CCDC146: variants seen among roughly 807,000 people sequenced by gnomAD.
CCDC146 encodes the protein coiled-coil domain containing 146.
CCDC146 carries 92 observed loss-of-function variants against 119.3 expected under a neutral mutation model. The ratio of observed to expected loss-of-function variants is 0.77; its 90% confidence interval spans 0.65 to 0.92. The LOEUF is 0.92. Ranked by LOEUF, CCDC146 falls within the 40% of genes least tolerant of loss-of-function variation. The probability of loss-of-function intolerance (pLI) is 0.00; values close to 1 mark genes in which losing one functional copy is unlikely to be tolerated. For synonymous variants in CCDC146, 372 were observed against 371.8 expected, an observed-to-expected ratio of 1.00 and a Z score of -0.01; for missense variants, 1,000 against 1,103.0, an observed-to-expected ratio of 0.91 and a Z score of 1.32.
chr7:77,201,914 TAA>T (rs3834746), intron 2 of CCDC146, among the ~76,000 whole-genome samples: 21 of 144,250 alleles, frequency 1.5e-4, no homozygotes, highest in African/African-American at 4.0e-4. Context: ...ACAACATAGA[TAA>T]AAAAAAAAAC....
intron 18 of CCDC146, among the ~76,000 whole-genome samples, 200 bp from the exon 19 acceptor site, chr7:77,294,463 G>GGGGTGT (rs1233864398): frequency 2.8e-4 from 38 of 134,310 alleles, no homozygotes; most frequent in South Asian, 5.0e-4. Flanking sequence ...ATGAGAGGTA[G>GGGGTGT]GTGTGTGTGT....
intron 2 of CCDC146, among the ~76,000 whole-genome samples, chr7:77,221,623 G>A (rs1792404980): frequency 6.6e-6 from 1 of 152,164 alleles, no homozygotes; most frequent in Admixed American, 6.5e-5. Flanking sequence ...AGCACCTGGT[G>A]TGTGACATGT....
At chr7:77,178,359 C>T (rs1392450675) in intron 2 of CCDC146, among the ~76,000 whole-genome samples, 1 of 152,164 alleles carries the variant, frequency 6.6e-6, no homozygotes, top group African/African-American at 2.4e-5. Flanking sequence ...TCCTTTACCT[C>T]CTCACATACA....
chr7:77,212,578 G>C (rs370099850), intron 2 of CCDC146, among the ~76,000 whole-genome samples: 1 of 132,670 alleles, frequency 7.5e-6, no homozygotes. Context: ...CCGAGATCAC[G>C]CCACTGCACT....
At chr7:77,270,920 A>T (rs1793497670) in intron 9 of CCDC146, among the ~76,000 whole-genome samples, 1 of 152,136 alleles carries the variant, frequency 6.6e-6, no homozygotes, top group Non-Finnish European at 1.5e-5. Context: ...GCTCCTTTTA[A>T]CAGGAAAACA....
At chr7:77,160,012 T>G (rs189466038) in intron 1 of CCDC146, among the ~76,000 whole-genome samples, 11 of 152,342 alleles carry the variant, frequency 7.2e-5, no homozygotes, top group African/African-American at 2.2e-4. Context: ...ACAGCACCAT[T>G]TTTTAAATAG....
intron 17 of CCDC146, among the ~76,000 whole-genome samples, chr7:77,292,469 T>C (rs1175516055): frequency 6.6e-6 from 1 of 151,520 alleles, no homozygotes; most frequent in South Asian, 2.1e-4. Flanking sequence ...CAAAAAAAAT[T>C]AGCCGGGTAT....
intron 2 of CCDC146, among the ~76,000 whole-genome samples, chr7:77,231,884 T>A (rs1171370511): frequency 1.3e-5 from 2 of 152,014 alleles, no homozygotes; most frequent in African/African-American, 4.8e-5. Flanking sequence ...GGGTCATATT[T>A]TCTTGTTTCC....
chr7:77,236,931 A>G lies in CCDC146; in HGVS notation c.157-16A>G. On this transcript the variant is annotated splice_polypyrimidine_tract_variant and intron_variant, in intron 2 of 18. Coordinates refer to ENST00000285871, the MANE Select transcript of CCDC146 (RefSeq NM_020879.3). ...GAGAATGGTGATTAACAGTGACCTT[A>G]TGTTCTCTTTGCTAGTTACATGCTA... The G allele has an allele frequency of 6.3e-7, 1 of 1,596,420 alleles. No homozygotes were observed. Among genetic ancestry groups the G allele is most frequent in the Non-Finnish European group, 8.6e-7 (1 of 1,163,948 alleles).
chr7:77,211,602 T>A (rs1201658133), intron 2 of CCDC146, among the ~76,000 whole-genome samples: 6 of 151,896 alleles, frequency 4.0e-5, no homozygotes, highest in Non-Finnish European at 8.8e-5. Flanking sequence ...TATTTTATTT[T>A]TTTTATTTTT....
intron 4 of CCDC146, among the ~76,000 whole-genome samples, chr7:77,245,910 T>C (rs1450303625): frequency 6.6e-6 from 1 of 151,884 alleles, no homozygotes; most frequent in African/African-American, 2.4e-5. Context: ...GCAACAAATA[T>C]CTTAAAAGAA....
chr7:77,284,517 C>T (rs936973553), intron 15 of CCDC146, among the ~76,000 whole-genome samples: 1 of 151,980 alleles, frequency 6.6e-6, no homozygotes, highest in Non-Finnish European at 1.5e-5. Flanking sequence ...CAGAGCAACA[C>T]AAAAGATCTT....
In CCDC146 at chr7:77,161,895, G is replaced by A. The variant is rs1055514303; in HGVS notation, c.-11-5763G>A. ...GGTTTTGATTTGCATTTCCCCAGTG[G>A]TTGGTAATGTTGATGACCTTTTTAT... On this transcript the variant is annotated intron_variant, in intron 1 of 18. Coordinates refer to ENST00000285871, the MANE Select transcript of CCDC146 (RefSeq NM_020879.3). Among the ~76,000 whole-genome samples the A allele has an allele frequency of 1.5e-3, 227 of 152,114 alleles. 2 individuals are homozygous for A. The highest frequency in any genetic ancestry group is 7.6e-4 in the Non-Finnish European group (52 of 68,026).
In CCDC146 at chr7:77,216,244, C is replaced by T. The variant is rs6955104; in HGVS notation, c.157-20703C>T. Among the ~76,000 whole-genome samples, 573 of 152,102 alleles carry T rather than the reference C, an allele frequency of 3.8e-3. 4 individuals are homozygous for T. Among genetic ancestry groups the T allele is most frequent in the South Asian group, 6.9e-3 (33 of 4,812 alleles). On this transcript the variant is annotated intron_variant, in intron 2 of 18. Coordinates refer to ENST00000285871, the MANE Select transcript of CCDC146 (RefSeq NM_020879.3). ...TAAGTTATAGTGAAATTAGCTTCTTCCCCCTCCATTCCTCACAGCATTAAT... is the reference window on the plus strand; with the variant it reads ...TAAGTTATAGTGAAATTAGCTTCTTTCCCCTCCATTCCTCACAGCATTAAT...
rs368742430 is a variant in CCDC146 at position 77,196,719 on chromosome 7, T to C, written c.156+28895T>C. 1.8e-5 allele frequency: 29 copies of C among 1,614,192 alleles called. No homozygotes were observed. The highest frequency in any genetic ancestry group is 2.4e-5 in the Non-Finnish European group (28 of 1,180,010). ...ATTCTCAGAATCATTTCCTTACTCT[T>C]GGTCAGAAGATGAATTTTATCGTTC... On this transcript the variant is annotated intron_variant, in intron 2 of 18. Transcript: ENST00000285871. The surrounding 1 kb of genome is among the most constrained non-coding windows in gnomAD (Gnocchi z 4.2).
intron 1 of CCDC146, among the ~76,000 whole-genome samples, chr7:77,127,564 T>C (rs982681636): frequency 3.3e-4 from 50 of 152,282 alleles, no homozygotes; most frequent in African/African-American, 1.2e-3. Flanking sequence ...AAGTATTCTT[T>C]CATGTCTTTT....
Position 77,262,136 on chromosome 7 carries a change from C to T in CCDC146, c.1002C>T (p.Leu334=). 1 of 1,603,346 alleles carries T rather than the reference C, an allele frequency of 6.2e-7. No individual in the cohort carries two copies. The highest frequency in any genetic ancestry group is 8.5e-7 in the Non-Finnish European group (1 of 1,175,362). ...TSLTERGILD[L]NLRNSLIDKQ... The stretch of plus-strand genomic sequence containing the variant: ...CCTGGAACAGAGGGATCTTGGATCT[C>T]AATTTACGCAACAGTCTCATTGACA... The change falls in exon 9 of 19, where the codon CTC becomes CTT. Residue 334 remains leucine (L), a synonymous_variant. Coordinates refer to ENST00000285871, the MANE Select transcript of CCDC146 (RefSeq NM_020879.3).
At position 77,148,630 on chromosome 7, in the gene CCDC146, G is replaced by A. The variant is rs191775807; in HGVS notation, c.-11-19028G>A. 3.0e-4 allele frequency among the ~76,000 whole-genome samples: 46 copies of A among 152,022 alleles called. 1 individual carries two copies. Among genetic ancestry groups the A allele is most frequent in the Admixed American group, 2.1e-3 (32 of 15,256 alleles). On this transcript the variant is annotated intron_variant, in intron 1 of 18. Coordinates refer to ENST00000285871, the MANE Select transcript of CCDC146 (RefSeq NM_020879.3). Reference sequence around the variant, plus strand: ...TAAGCTGATGAGCAACTTTGTCAACGCCTCAGGATACAAAATCAATGTGCA... The same window carrying A: ...TAAGCTGATGAGCAACTTTGTCAACACCTCAGGATACAAAATCAATGTGCA...
intron 2 of CCDC146, among the ~76,000 whole-genome samples, chr7:77,206,048 C>A (rs1324283635): frequency 6.6e-6 from 1 of 152,130 alleles, no homozygotes; most frequent in South Asian, 2.1e-4. Context: ...ATGTATTTGG[C>A]AAATCAACAT....
Sources: allele counts gnomAD v4.1 joint callset (sites outside exome capture counted in the v4.1 genomes callset), GRCh38; gene constraint gnomAD v4.1.1; non-coding constraint Gnocchi (gnomAD v3.1); transcripts MANE v1.5; gene names NCBI Gene and HGNC (gene_info 2026-07-23, HGNC 2026-07-21).